Variants in CLVS1 observed in about 807,000 individuals in gnomAD.
CLVS1 encodes clavesin-1.
A neutral mutation model predicts 33.1 loss-of-function variants in CLVS1; 10 were observed. The ratio of observed to expected loss-of-function variants is 0.30; its 90% CI spans 0.19 to 0.51. The LOEUF is 0.51. Ranked by LOEUF, CLVS1 falls within the 20% of genes least tolerant of loss-of-function variation. The pLI is 0.97. For synonymous variants in CLVS1, 163 were observed against 166.1 expected (o/e 0.98, Z 0.14); for missense variants, 343 against 433.4 (o/e 0.79, Z 1.85).
At chr8:61,009,288 C>T in the CLVS1 span, among the ~76,000 whole-genome samples, 1 of 152,110 alleles carries the variant, frequency 6.6e-6, no homozygotes, top group South Asian at 2.1e-4. Context: ...GCTGGGACCA[C>T]AGGCACATGC....
chr8:61,227,989 C>T (rs771843351), intron 2 of CLVS1, among the ~76,000 whole-genome samples: 6 of 151,984 alleles, frequency 3.9e-5, no homozygotes, highest in Admixed American at 1.3e-4. Context: ...AATACAATAC[C>T]GGAAGTGATG....
At chr8:61,176,387 A>G (rs1250497289) in intron 2 of CLVS1, among the ~76,000 whole-genome samples, 1 of 152,196 alleles carries the variant, frequency 6.6e-6, no homozygotes, top group Non-Finnish European at 1.5e-5. Context: ...CCCAGCCAAG[A>G]TTGACAAGGC....
At chr8:61,351,605 CA>C (rs1188489778) in intron 2 of CLVS1, among the ~76,000 whole-genome samples, 1 of 151,864 alleles carries the variant, frequency 6.6e-6, no homozygotes, top group African/African-American at 2.4e-5. Flanking sequence ...GAACAAATCC[CA>C]AACAGGATAA....
chr8:61,213,678 A>G lies in CLVS1; in HGVS notation c.-152+81818A>G, dbSNP rs187221296. 4.0e-3 allele frequency among the ~76,000 whole-genome samples: 603 copies of G among 152,194 alleles called. 7 individuals are homozygous for G. Among genetic ancestry groups the G allele is most frequent in the African/African-American group, 0.014 (590 of 41,530 alleles). ...TTTAATCTCTTAATCCTGTCAGCTG[A>G]GGAGGATGTATGTTGCCTCAGGACC... On this transcript the variant is annotated intron_variant, in intron 2 of 2. Transcript: ENST00000522621.
chr8:61,385,027 A>G (rs891208304), intron 3 of CLVS1, among the ~76,000 whole-genome samples: 1 of 152,104 alleles, frequency 6.6e-6, no homozygotes, highest in African/African-American at 2.4e-5. Flanking sequence ...AGAAAGGAAG[A>G]TAACTCTGCT....
At chr8:61,225,184 G>A (rs900028261) in intron 2 of CLVS1, among the ~76,000 whole-genome samples, 6 of 152,066 alleles carry the variant, frequency 3.9e-5, no homozygotes, top group African/African-American at 1.4e-4. Flanking sequence ...TGGGTATGAT[G>A]TCATATGCCT....
At chr8:61,070,508 C>T (rs1265454791) in intron 1 of CLVS1, among the ~76,000 whole-genome samples, 1 of 152,226 alleles carries the variant, frequency 6.6e-6, no homozygotes, top group Non-Finnish European at 1.5e-5. Flanking sequence ...TTCCCATCTT[C>T]CACCCCTCTT....
chr8:61,191,477 T>C (rs6471939), intron 2 of CLVS1, among the ~76,000 whole-genome samples: 115,316 of 152,092 alleles, frequency 0.76, 44,588 homozygotes, highest in Middle Eastern at 0.9. Context: ...GACAGGGATG[T>C]GCTCTCTCAC....
At chr8:61,135,096 AG>A (rs1806168039) in intron 2 of CLVS1, among the ~76,000 whole-genome samples, 1 of 151,924 alleles carries the variant, frequency 6.6e-6, no homozygotes, top group African/African-American at 2.4e-5. Context: ...AGATGGAAAC[AG>A]GAACAGTTCA....
intron 5 of CLVS1, among the ~76,000 whole-genome samples, chr8:61,475,211 G>T (rs1319010505): frequency 6.6e-6 from 1 of 152,142 alleles, no homozygotes; most frequent in Non-Finnish European, 1.5e-5. Flanking sequence ...GGACATTTGG[G>T]TTGGTTCCAA....
intron 3 of CLVS1, among the ~76,000 whole-genome samples, chr8:61,412,771 G>T (rs1266837566): frequency 5.3e-5 from 8 of 152,188 alleles, no homozygotes; most frequent in Non-Finnish European, 1.2e-4. Flanking sequence ...GAGAAATTAG[G>T]CTAAGACCTG....
chr8:61,329,054 A>G (rs1811491068), intron 2 of CLVS1, among the ~76,000 whole-genome samples: 1 of 152,088 alleles, frequency 6.6e-6, no homozygotes, highest in Non-Finnish European at 1.5e-5. Context: ...TCCCCTCTTT[A>G]ACATTTCTAT....
chr8:61,475,414 A>G (rs1278354258), intron 5 of CLVS1, among the ~76,000 whole-genome samples: 3 of 152,230 alleles, frequency 2.0e-5, no homozygotes, highest in African/African-American at 7.2e-5. Flanking sequence ...TCCCACCAAC[A>G]GTGTAAAAGT....
chr8:61,385,779 C>T (rs1585895872), intron 3 of CLVS1, among the ~76,000 whole-genome samples: 1 of 152,180 alleles, frequency 6.6e-6, no homozygotes, highest in South Asian at 2.1e-4. Flanking sequence ...CCTCTAGTGT[C>T]TGCGTCGTCT....
At chr8:61,380,538 A>G (rs1380739193) in intron 3 of CLVS1, among the ~76,000 whole-genome samples, 1 of 152,224 alleles carries the variant, frequency 6.6e-6, no homozygotes, top group Non-Finnish European at 1.5e-5. Context: ...TATAAATATT[A>G]GTTCAAAAAA....
upstream of CLVS1, among the ~76,000 whole-genome samples, chr8:61,286,551 T>G (rs987701091): frequency 3.3e-5 from 5 of 152,216 alleles, no homozygotes; most frequent in African/African-American, 1.2e-4. Context: ...GCTATGTTGT[T>G]CCAGGCATAC....
At chr8:61,237,720 G>C (rs747031918) in intron 2 of CLVS1, among the ~76,000 whole-genome samples, 2 of 152,162 alleles carry the variant, frequency 1.3e-5, no homozygotes, top group Non-Finnish European at 2.9e-5. Flanking sequence ...AGAGGTGTGA[G>C]GAGGGCCCAC....
intron 1 of CLVS1, among the ~76,000 whole-genome samples, chr8:61,085,770 C>T (rs917172300): frequency 2.0e-5 from 3 of 151,172 alleles, no homozygotes; most frequent in African/African-American, 7.3e-5. Context: ...ACCTGTAATC[C>T]CAGCACTCTT....
rs1478358074 is a variant in CLVS1, at chr8:61,458,369, C to T, written c.804C>T (p.Pro268=). The T allele has an allele frequency of 1.9e-6, 3 of 1,613,962 alleles. No homozygotes were observed. The highest frequency in any genetic ancestry group is 2.5e-6 in the Non-Finnish European group (3 of 1,179,996). ...LHQLIHPEFL[P]SEFGGTLPPY... is the part of the protein sequence containing the mutation. ...AGCTAATACACCCTGAATTTTTGCC[C>T]TCTGAATTTGGAGGAACTCTTCCTC... Residue 268 remains proline, a synonymous_variant, in exon 5 of 6, where the codon CCC becomes CCT. Transcript: ENST00000325897.
Sources: gnomAD v4.1 joint callset for allele counts (sites outside exome capture counted in the v4.1 genomes callset) on GRCh38, gnomAD v4.1.1 for gene constraint, MANE v1.5 for transcripts, NCBI Gene and HGNC (gene_info 2026-07-23, HGNC 2026-07-21) for gene names.